NELL1: variants seen among roughly 807,000 people sequenced by gnomAD.
NELL1 encodes protein kinase C-binding protein NELL1.
NELL1 carries 76 observed loss-of-function variants against 107.4 expected under a neutral mutation model. That is an observed-to-expected ratio of 0.71 (90% CI 0.59 to 0.86). The LOEUF (loss-of-function observed/expected upper bound fraction) is 0.86. Among genes scored for constraint, NELL1 ranks in the 40% least tolerant of loss-of-function variants. NELL1 has a pLI of 0.00. For missense variants in NELL1, 1,024 were observed against 1,005.5 expected (o/e 1.02, Z -0.25); for synonymous variants, 353 against 341.2 (o/e 1.03, Z -0.38).
chr11:21,214,562 G>A (rs2133864444), intron 13 of NELL1, among the ~76,000 whole-genome samples: 1 of 152,246 alleles, frequency 6.6e-6, no homozygotes, highest in South Asian at 2.1e-4. Context: ...TTAGGGTATG[G>A]AGAAACGATC....
intron 13 of NELL1, among the ~76,000 whole-genome samples, chr11:21,159,533 A>G (rs1051801744): frequency 2.0e-5 from 3 of 152,186 alleles, no homozygotes; most frequent in Non-Finnish European, 4.4e-5. Context: ...AAAGTTGCAA[A>G]TACAAATGTC....
At chr11:20,782,145 T>A (rs1402931944) in intron 2 of NELL1, among the ~76,000 whole-genome samples, 1 of 152,202 alleles carries the variant, frequency 6.6e-6, no homozygotes, top group African/African-American at 2.4e-5. Context: ...AGGTTTTAAA[T>A]GTCATCTGGA....
intron 2 of NELL1, among the ~76,000 whole-genome samples, chr11:20,721,040 A>G (rs1411112241): frequency 6.6e-6 from 1 of 151,868 alleles, no homozygotes; most frequent in East Asian, 1.9e-4. Context: ...TCCTCTTCCA[A>G]TTTATTTAGG....
At chr11:20,790,406 G>A (rs868234557) in intron 3 of NELL1, among the ~76,000 whole-genome samples, 1 of 152,204 alleles carries the variant, frequency 6.6e-6, no homozygotes, top group Non-Finnish European at 1.5e-5. Flanking sequence ...ACTCGGCCCC[G>A]ACTTTGCTCA....
chr11:20,969,100 C>T (rs932033164), intron 12 of NELL1, among the ~76,000 whole-genome samples: 1 of 152,086 alleles, frequency 6.6e-6, no homozygotes, highest in African/African-American at 2.4e-5. Flanking sequence ...GTTCTAGCTT[C>T]AGTTGATTGT....
At chr11:21,191,803 G>A (rs1590719735) in intron 13 of NELL1, among the ~76,000 whole-genome samples, 1 of 151,912 alleles carries the variant, frequency 6.6e-6, no homozygotes, top group African/African-American at 2.4e-5. Context: ...GAGGACACGA[G>A]TAACTTCCTG....
chr11:20,756,002 C>T (rs1433028714), intron 2 of NELL1, among the ~76,000 whole-genome samples: 22 of 150,628 alleles, frequency 1.5e-4, no homozygotes, highest in African/African-American at 5.4e-4. Context: ...ATGCCATTTT[C>T]CTGCCTCAGC....
At chr11:20,832,132 C>T (rs1248834653) in intron 3 of NELL1, among the ~76,000 whole-genome samples, 2 of 152,184 alleles carry the variant, frequency 1.3e-5, no homozygotes, top group African/African-American at 4.8e-5. Context: ...CTACATAGCC[C>T]TCACCTGTTT....
At chr11:20,807,773 G>A (rs555648269) in intron 3 of NELL1, among the ~76,000 whole-genome samples, 47 of 152,176 alleles carry the variant, frequency 3.1e-4, no homozygotes, top group Non-Finnish European at 5.9e-4. Flanking sequence ...ACAAAGAATC[G>A]TCCCAGTTTT....
intron 5 of NELL1, among the ~76,000 whole-genome samples, chr11:20,911,957 G>T (rs1850142186): frequency 6.6e-6 from 1 of 152,162 alleles, no homozygotes; most frequent in Admixed American, 6.6e-5. Flanking sequence ...CACTTCTCAG[G>T]TGAGAGTCAG....
chr11:21,363,502 G>C (rs1851134612), intron 14 of NELL1, among the ~76,000 whole-genome samples: 1 of 152,062 alleles, frequency 6.6e-6, no homozygotes, highest in Admixed American at 6.6e-5. Flanking sequence ...AATTCCTTCA[G>C]TTTTCCTGGT....
intron 14 of NELL1, among the ~76,000 whole-genome samples, chr11:21,342,241 T>C (rs1219033547): frequency 1.3e-5 from 2 of 152,170 alleles, no homozygotes; most frequent in East Asian, 3.9e-4. Context: ...GCACCTGTCA[T>C]GTCCCAGGCT....
intron 13 of NELL1, chr11:21,170,139 A>G: frequency 1.5e-6 from 1 of 676,730 alleles, no homozygotes; most frequent in East Asian, 2.6e-5. Context: ...TTGTTCCATG[A>G]CTCCTTCAAT....
chr11:20,724,110 C>A (rs1015231451), intron 2 of NELL1, among the ~76,000 whole-genome samples: 2 of 152,068 alleles, frequency 1.3e-5, no homozygotes, highest in Admixed American at 1.3e-4. Flanking sequence ...CTGGGCCTGG[C>A]CTATGAAGCC....
intron 7 of NELL1, 83 bp from the exon 8 acceptor site, chr11:20,927,225 G>T: frequency 1.5e-6 from 2 of 1,334,274 alleles, no homozygotes; most frequent in South Asian, 1.4e-5. Context: ...TTCTCAGAAG[G>T]ATTTTTTTTC....
intron 12 of NELL1, among the ~76,000 whole-genome samples, chr11:21,079,746 A>G (rs1251450703): frequency 6.6e-6 from 1 of 152,116 alleles, no homozygotes; most frequent in Non-Finnish European, 1.5e-5. Context: ...ATAAATTCAT[A>G]TCTTTGCATA....
At chr11:20,951,338 A>G (rs1472944949) in intron 11 of NELL1, among the ~76,000 whole-genome samples, 1 of 152,140 alleles carries the variant, frequency 6.6e-6, no homozygotes, top group Non-Finnish European at 1.5e-5. Context: ...ATTTTCTCAT[A>G]TGGTTACTGT....
intron 15 of NELL1, among the ~76,000 whole-genome samples, chr11:21,414,724 G>A (rs1475321139): frequency 6.6e-6 from 1 of 152,056 alleles, no homozygotes; most frequent in Non-Finnish European, 1.5e-5. Context: ...TAGGGAAGGG[G>A]AATGCGGCTA....
intron 2 of NELL1, among the ~76,000 whole-genome samples, chr11:20,764,242 T>G (rs1159636974): frequency 6.6e-6 from 1 of 152,262 alleles, no homozygotes; most frequent in Non-Finnish European, 1.5e-5. Context: ...TAGGATTGGA[T>G]TTTGCCTTAT....
Sources: gnomAD v4.1 joint callset for allele counts (sites outside exome capture counted in the v4.1 genomes callset) on GRCh38, gnomAD v4.1.1 for gene constraint, MANE v1.5 for transcripts, NCBI Gene and HGNC (gene_info 2026-07-23, HGNC 2026-07-21) for gene names.